The following PAQR3 variants were observed in gnomAD, a reference collection of about 807,000 sequenced individuals.
PAQR3 encodes progestin and adipoQ receptor family member 3, also known as Raf kinase trapping to Golgi.
A neutral mutation model predicts 41.7 loss-of-function variants in PAQR3; 39 were observed. The observed-to-expected ratio is 0.93, with a 90% confidence interval of 0.72 to 1.22. The LOEUF is 1.22. PAQR3 is among the 50% of genes most tolerant of loss of function. The pLI, the probability that PAQR3 is intolerant of heterozygous loss-of-function variation, is 0.00. For synonymous variants in PAQR3, 140 were observed against 140.6 expected, an observed-to-expected ratio of 1.00 and a Z score of 0.03; for missense variants, 366 against 385.6, an observed-to-expected ratio of 0.95 and a Z score of 0.42.
downstream of PAQR3, chr4:78,911,007 CAG>C: frequency 6.2e-7 from 1 of 1,613,626 alleles, no homozygotes. Flanking sequence ...GCTCTGTCTA[CAG>C]AGACAGATCT....
In PAQR3 at chr4:78,920,568, G is replaced by C; in HGVS notation, c.907C>G (p.Pro303Ala). ...VYVMQYRHSK[P>A]CPDYVSHL ...AAATGTGAAACATAGTCAGGACAAGGCTTGCTATGTCTGTACTGCATGACA... is the reference window on the plus strand; with the variant it reads ...AAATGTGAAACATAGTCAGGACAAGCCTTGCTATGTCTGTACTGCATGACA... The change falls in exon 6 of 6, where the codon CCT becomes GCT. Residue 303 changes from proline to alanine, a missense_variant. Pro to Ala is a conservative substitution (Grantham distance 27). Coordinates refer to ENST00000512733, the MANE Select transcript of PAQR3 (RefSeq NM_001040202.2). 1 of 1,610,208 alleles carries C rather than the reference G, an allele frequency of 6.2e-7. No homozygotes were observed. The highest frequency in any genetic ancestry group is 8.5e-7 in the Non-Finnish European group (1 of 1,177,902).
intron 11 of PAQR3, among the ~76,000 whole-genome samples, chr4:78,905,163 C>T (rs866688731): frequency 1.6e-4 from 25 of 151,652 alleles, no homozygotes; most frequent in African/African-American, 5.1e-4. Context: ...TTAACCCTTT[C>T]GTTAAGTTTT....
rs1340983973 is a variant in PAQR3 at position 78,918,882 on chromosome 4, C to T, written c.*1657G>A. On this transcript the variant is annotated 3_prime_UTR_variant, in exon 6 of 6. Transcript: ENST00000512733. The stretch of plus-strand genomic sequence containing the variant: ...AAGGGATGTTCTAGGAGAAATATAT[C>T]CTACTACTGTTGCACCAAAATCTTC... 7 of 984,378 alleles carry T rather than the reference C, an allele frequency of 7.1e-6. No individual in the cohort carries two copies. The highest frequency in any genetic ancestry group is 6.2e-5 in the Admixed American group (1 of 16,154). 61.0% of individuals were successfully genotyped at this position (984,378 alleles called of 1,614,324 possible).
chr4:78,918,669 CA>C lies in PAQR3; in HGVS notation c.*1869del. On this transcript the variant is annotated 3_prime_UTR_variant, in exon 6 of 6. Coordinates refer to ENST00000512733, the MANE Select transcript of PAQR3 (RefSeq NM_001040202.2). ...GCAAGTATGTATTCATATACTAATACAGGGACTGCAAAAATTGAAATGATTC... is the reference window on the plus strand; with the variant it reads ...GCAAGTATGTATTCATATACTAATACGGGACTGCAAAAATTGAAATGATTC... 1.0e-6 allele frequency: 1 copy of C among 953,676 alleles called. No individual in the cohort carries two copies. Among genetic ancestry groups the C allele is most frequent in the African/African-American group, 1.8e-5 (1 of 56,496 alleles). 59.1% of individuals were successfully genotyped at this position (953,676 alleles called of 1,614,324 possible).
At chr4:78,921,319 ACTT>A (rs952731746) in intron 5 of PAQR3, among the ~76,000 whole-genome samples, 3 of 152,040 alleles carry the variant, frequency 2.0e-5, no homozygotes, top group East Asian at 1.9e-4. Flanking sequence ...CATACGGAAA[ACTT>A]CTTGATCTCT....
intron 11 of PAQR3, among the ~76,000 whole-genome samples, chr4:78,896,192 A>G (rs901165609): frequency 5.3e-5 from 8 of 152,192 alleles, no homozygotes; most frequent in Non-Finnish European, 8.8e-5. Flanking sequence ...TAATAATCCT[A>G]CTGTCACTGC....
intron 4 of PAQR3, among the ~76,000 whole-genome samples, chr4:78,925,416 C>A (rs1979444): frequency 0.77 from 116,667 of 151,998 alleles, 44,951 homozygotes; most frequent in Non-Finnish European, 0.81. Flanking sequence ...TAGGAGGATT[C>A]CTGATGTCCC....
intron 11 of PAQR3, among the ~76,000 whole-genome samples, chr4:78,900,656 T>G (rs1157901916): frequency 3.9e-5 from 6 of 152,238 alleles, no homozygotes; most frequent in African/African-American, 1.4e-4. Context: ...ATTTGTTGCC[T>G]TAGTTTATGA....
At chr4:78,894,926 C>A (rs1733626374) in intron 11 of PAQR3, among the ~76,000 whole-genome samples, 2 of 152,130 alleles carry the variant, frequency 1.3e-5, no homozygotes, top group South Asian at 4.1e-4. Flanking sequence ...ATAGGGAGAC[C>A]TAAGGAAAGG....
At chr4:78,925,743 G>A (rs1736128876) in intron 4 of PAQR3, among the ~76,000 whole-genome samples, 1 of 151,920 alleles carries the variant, frequency 6.6e-6, no homozygotes, top group Non-Finnish European at 1.5e-5. Flanking sequence ...AGATTTCTTG[G>A]CCTATTTACT....
intron 11 of PAQR3, among the ~76,000 whole-genome samples, chr4:78,894,199 C>T (rs1439503298): frequency 6.6e-6 from 1 of 152,182 alleles, no homozygotes; most frequent in Non-Finnish European, 1.5e-5. Flanking sequence ...GCATTGGTTT[C>T]AACTTAAAGT....
At chr4:78,922,370 A>C (rs779074292) in intron 5 of PAQR3, 4 of 1,288,548 alleles carry the variant, frequency 3.1e-6, no homozygotes, top group Non-Finnish European at 4.0e-6. Flanking sequence ...TTCTTTCCCA[A>C]CACACGTGAC....
intron 11 of PAQR3, among the ~76,000 whole-genome samples, chr4:78,894,012 T>C (rs1283249442): frequency 6.6e-6 from 1 of 152,220 alleles, no homozygotes; most frequent in Non-Finnish European, 1.5e-5. Context: ...CAGGAATATT[T>C]TGAAAGGAAT....
rs1226942024 is a variant in PAQR3 at position 78,918,298 on chromosome 4, T to C, written c.*2241A>G. 7.5e-5 allele frequency: 72 copies of C among 962,462 alleles called. No homozygotes were observed. The highest frequency in any genetic ancestry group is 8.7e-5 in the Non-Finnish European group (70 of 808,862). The allele number at this position is 962,462 out of a possible 1,614,324, so 59.6% of individuals were successfully genotyped here. On this transcript the variant is annotated 3_prime_UTR_variant, in exon 6 of 6. Coordinates refer to ENST00000512733, the MANE Select transcript of PAQR3 (RefSeq NM_001040202.2). ...AATATACATCATTACAAGGCTCAGA[T>C]TTGTAGACAACTTTAAAATATTTTT...
chr4:78,934,966 C>T (rs909446820), intron 2 of PAQR3, among the ~76,000 whole-genome samples, 155 bp downstream of exon 2: 3 of 152,120 alleles, frequency 2.0e-5, no homozygotes, highest in African/African-American at 7.2e-5. Flanking sequence ...AAGAACACAT[C>T]GTTTGGTGTT....
chr4:78,911,408 T>A (rs779465739), downstream of PAQR3: 10 of 1,614,030 alleles, frequency 6.2e-6, no homozygotes, highest in East Asian at 2.2e-4. Context: ...GAGGACCTTT[T>A]TGGGCTTGTG....
intron 11 of PAQR3, among the ~76,000 whole-genome samples, chr4:78,890,825 C>T (rs937333316): frequency 3.9e-5 from 6 of 152,134 alleles, no homozygotes; most frequent in Non-Finnish European, 8.8e-5. Flanking sequence ...CTCTTCTCAT[C>T]CTTTTTCTTG....
intron 1 of PAQR3, among the ~76,000 whole-genome samples, chr4:78,936,400 T>C (rs758950039): frequency 3.3e-5 from 5 of 152,258 alleles, no homozygotes; most frequent in Non-Finnish European, 5.9e-5. Context: ...GGTTCTCATT[T>C]TTACAAGAAA....
At chr4:78,922,056 T>C in intron 5 of PAQR3, 1 of 1,025,368 alleles carries the variant, frequency 9.8e-7, no homozygotes, top group African/African-American at 1.7e-5. Flanking sequence ...ATTTTCATGG[T>C]TTAGTGTTCT....
Sources: allele counts gnomAD v4.1 joint callset (sites outside exome capture counted in the v4.1 genomes callset), GRCh38; gene constraint gnomAD v4.1.1; transcripts MANE v1.5; gene names NCBI Gene and HGNC (gene_info 2026-07-23, HGNC 2026-07-21).